The following CEP164 variants were observed in gnomAD, a reference collection of about 807,000 sequenced individuals.
CEP164 encodes centrosomal protein 164.
A neutral mutation model predicts 182.7 loss-of-function variants in CEP164; 162 were observed. That is an observed-to-expected ratio of 0.89 (90% confidence interval 0.78 to 1.01). The LOEUF is 1.01. Among genes scored for constraint, CEP164 ranks in the 50% least tolerant of loss-of-function variants. CEP164 has a pLI of 0.00. For synonymous variants in CEP164, 661 were observed against 690.0 expected, an observed-to-expected ratio of 0.96 and a Z score of 0.66; for missense variants, 1,735 against 1,790.4, an observed-to-expected ratio of 0.97 and a Z score of 0.56.
At chr11:117,362,338 GCATTCTAAAGGT>G in intron 6 of CEP164, 54 bp from the exon 7 acceptor site, 2 of 1,526,332 alleles carry the variant, frequency 1.3e-6, no homozygotes, top group Non-Finnish European at 1.8e-6. Flanking sequence ...GTGGGGAGGA[GCATTCTAAAGGT>G]CATTCCAAAG....
chr11:117,386,574 A>G (rs2043983326), intron 14 of CEP164: 1 of 152,968 alleles, frequency 6.5e-6, no homozygotes. Context: ...ACTCATGTGC[A>G]TGCTTGCTAC....
At chr11:117,406,986 C>T (rs1325631176) in intron 27 of CEP164, among the ~76,000 whole-genome samples, 1 of 152,050 alleles carries the variant, frequency 6.6e-6, no homozygotes, top group South Asian at 2.1e-4. Context: ...CCCAGCTACC[C>T]AGGAGGCTGA....
chr11:117,410,644 A>C, intron 30 of CEP164, 184 bp from the exon 31 acceptor site: 1 of 524,168 alleles, frequency 1.9e-6, no homozygotes, highest in Non-Finnish European at 3.4e-6. Context: ...GCCCTAACCC[A>C]AATTGAAAAG....
chr11:117,367,848 G>A (rs2041811853), intron 8 of CEP164, among the ~76,000 whole-genome samples: 1 of 152,066 alleles, frequency 6.6e-6, no homozygotes, highest in South Asian at 2.1e-4. Flanking sequence ...ATTTTTGATA[G>A]GTTACTTGTT....
chr11:117,396,620 C>T lies in CEP164; in HGVS notation c.3278+9C>T. ...GACTTATACTTGGACAGGTGAGTTCCCATAGCCTGTCTTATTTGAGGTTAG... is the reference window on the plus strand; with the variant it reads ...GACTTATACTTGGACAGGTGAGTTCTCATAGCCTGTCTTATTTGAGGTTAG... On this transcript the variant is annotated intron_variant, in intron 26 of 32. Transcript: ENST00000278935. The T allele has an allele frequency of 1.2e-6, 2 of 1,606,482 alleles. No homozygotes were observed. Among genetic ancestry groups the T allele is most frequent in the Non-Finnish European group, 1.7e-6 (2 of 1,173,018 alleles).
In CEP164 at chr11:117,394,153, C is replaced by T. The variant is rs758398856; in HGVS notation, c.2617-197C>T. Among the ~76,000 whole-genome samples the T allele has an allele frequency of 2.6e-5, 4 of 152,272 alleles. No individual in the cohort carries two copies. The highest frequency in any genetic ancestry group is 4.4e-5 in the Non-Finnish European group (3 of 68,038). ...GGTGTCTGACCAGCCTCTGCTTCAG[C>T]TCTAGAGGGCTGCAGGCTTGCTGGG... On this transcript the variant is annotated intron_variant, in intron 20 of 32. Transcript: ENST00000278935. This position sits in a 1 kb window ranked among gnomAD's most constrained non-coding sequence, Gnocchi z 4.0.
At chr11:117,334,552 A>G (rs1003434199) in intron 1 of CEP164, among the ~76,000 whole-genome samples, 4 of 152,160 alleles carry the variant, frequency 2.6e-5, no homozygotes, top group Non-Finnish European at 5.9e-5. Flanking sequence ...TTGGGAGGCC[A>G]GGGCCGGTGG....
At chr11:117,381,281 C>A (rs561650505) in intron 12 of CEP164, among the ~76,000 whole-genome samples, 10 of 152,342 alleles carry the variant, frequency 6.6e-5, no homozygotes, top group African/African-American at 2.4e-4. Context: ...TTTGGACCTG[C>A]AAAAACTATC....
intron 11 of CEP164, 64 bp downstream of exon 11, chr11:117,375,855 A>G: frequency 7.0e-7 from 1 of 1,425,912 alleles, no homozygotes; most frequent in Non-Finnish European, 9.9e-7. Flanking sequence ...TTTTCGGATG[A>G]CCCAGAACTG....
At chr11:117,403,292 T>G (rs2046342888) in intron 27 of CEP164, among the ~76,000 whole-genome samples, 2 of 152,268 alleles carry the variant, frequency 1.3e-5, no homozygotes, top group South Asian at 4.1e-4. Flanking sequence ...GGCATGTTTT[T>G]GCAGTGGCTG....
chr11:117,331,530 T>A (rs1251845689), intron 1 of CEP164, among the ~76,000 whole-genome samples: 1 of 152,232 alleles, frequency 6.6e-6, no homozygotes, highest in Non-Finnish European at 1.5e-5. Context: ...ATTATACACA[T>A]GCAGTTATTG....
intron 11 of CEP164, among the ~76,000 whole-genome samples, chr11:117,379,410 C>T (rs924668187): frequency 1.4e-4 from 21 of 152,190 alleles, no homozygotes; most frequent in Non-Finnish European, 2.5e-4. Flanking sequence ...GAGCTGTCTC[C>T]CGCCCCACCT....
At chr11:117,395,746 G>C in intron 24 of CEP164, 24 bp downstream of exon 24, 1 of 1,588,564 alleles carries the variant, frequency 6.3e-7, no homozygotes. Flanking sequence ...CCTGCACTTA[G>C]CCCTGCTGGC....
In CEP164 at chr11:117,409,316, C is replaced by G; in HGVS notation, c.3748+288C>G. Reference sequence around the variant, plus strand: ...CCAGGGCCTCCTTGAGGAGGCTTTTCTCTCTCAGCTGCCCTGGCCTGTATG... The same window carrying G: ...CCAGGGCCTCCTTGAGGAGGCTTTTGTCTCTCAGCTGCCCTGGCCTGTATG... On this transcript the variant is annotated intron_variant, in intron 29 of 32. Transcript: ENST00000278935. This position sits in a 1 kb window ranked among gnomAD's most constrained non-coding sequence, Gnocchi z 4.4. The G allele has an allele frequency of 1.7e-6, 1 of 576,202 alleles. No individual in the cohort carries two copies. The allele number at this position is 576,202 out of a possible 1,614,324, so 35.7% of individuals were successfully genotyped here.
At chr11:117,371,501 G>A (rs2042188886) in intron 9 of CEP164, 35 bp downstream of exon 9, 2 of 1,573,974 alleles carry the variant, frequency 1.3e-6, no homozygotes, top group Non-Finnish European at 1.7e-6. Context: ...GGGGTTGGCT[G>A]TAGCCCTCTG....
At chr11:117,369,498 G>T (rs61903745) in intron 8 of CEP164, among the ~76,000 whole-genome samples, 6,530 of 152,308 alleles carry the variant, frequency 0.043, 185 homozygotes, top group Non-Finnish European at 0.051. Context: ...TAGCTTGTCA[G>T]TGGGCTCTCA....
intron 4 of CEP164, among the ~76,000 whole-genome samples, chr11:117,349,476 TTTAAA>T (rs762790057): frequency 6.6e-6 from 1 of 152,112 alleles, no homozygotes; most frequent in Non-Finnish European, 1.5e-5. Context: ...GTAATTCTAT[TTTAAA>T]TTAAATTAAA....
chr11:117,387,507 A>C, intron 15 of CEP164, 95 bp downstream of exon 15: 1 of 1,241,578 alleles, frequency 8.1e-7, no homozygotes, highest in Non-Finnish European at 1.1e-6. Flanking sequence ...TGGGATGCCC[A>C]TGGTTCTACT....
intron 27 of CEP164, among the ~76,000 whole-genome samples, chr11:117,401,183 G>C (rs956934296): frequency 6.6e-6 from 1 of 152,184 alleles, no homozygotes; most frequent in African/African-American, 2.4e-5. Flanking sequence ...TTTATTCAAA[G>C]TTTTTAGCAT....
Sources: gnomAD v4.1 joint callset for allele counts (sites outside exome capture counted in the v4.1 genomes callset) on GRCh38, gnomAD v4.1.1 for gene constraint, Gnocchi (gnomAD v3.1) non-coding constraint, MANE v1.5 for transcripts, NCBI Gene and HGNC (gene_info 2026-07-23, HGNC 2026-07-21) for gene names.